The following SMPDL3B variants were observed in gnomAD, a reference collection of about 807,000 sequenced individuals.
The protein encoded by SMPDL3B is acid sphingomyelinase-like phosphodiesterase 3b.
Under a neutral mutation model 37.9 loss-of-function variants are expected in SMPDL3B, and 31 were observed. The observed-to-expected ratio is 0.82, with a 90% CI of 0.61 to 1.10. The LOEUF is 1.10. Ranked by LOEUF, SMPDL3B falls within the 50% of genes least tolerant of loss-of-function variation. The pLI is 0.00. For missense variants in SMPDL3B, 525 were observed against 597.8 expected, an observed-to-expected ratio of 0.88 and a Z score of 1.27; for synonymous variants, 235 against 242.6, an observed-to-expected ratio of 0.97 and a Z score of 0.29.
At chr1:27,954,659 G>A in intron 5 of SMPDL3B, 133 bp downstream of exon 5, 1 of 784,232 alleles carries the variant, frequency 1.3e-6, no homozygotes, top group Non-Finnish European at 2.1e-6. Context: ...GGCACCAGCA[G>A]AGGGCTTCCT....
intron 1 of SMPDL3B, among the ~76,000 whole-genome samples, chr1:27,939,283 G>C (rs1247820591): frequency 6.6e-6 from 1 of 152,128 alleles, no homozygotes; most frequent in Non-Finnish European, 1.5e-5. Context: ...GACTATGGGA[G>C]TTCTCCCCAC....
At chr1:27,942,897 A>G (rs2090373052) in intron 1 of SMPDL3B, among the ~76,000 whole-genome samples, 2 of 152,004 alleles carry the variant, frequency 1.3e-5, no homozygotes, top group East Asian at 3.9e-4. Context: ...CCTGGCCTCA[A>G]GCAATCTTCC....
Position 27,953,268 on chromosome 1 carries a change from T to C in SMPDL3B, c.427T>C (p.Phe143Leu), listed in dbSNP as rs1226389625. 1.2e-6 allele frequency: 2 copies of C among 1,613,696 alleles called. No homozygotes were observed. Among genetic ancestry groups the C allele is most frequent in the South Asian group, 1.1e-5 (1 of 91,060 alleles). Residue 143 changes from phenylalanine to leucine, a missense_variant, in exon 4 of 8, where the codon TTC (phenylalanine) becomes CTC (leucine). Transcript: ENST00000373894. ...GNHDFHPKNQ[F>L]PAGSNNIYNQ... ...TCATGATTTTCACCCCAAAAACCAG[T>C]TCCCAGCTGGAAGTAACAACATCTA...
At chr1:27,947,342 G>T (rs1259716080) in intron 2 of SMPDL3B, among the ~76,000 whole-genome samples, 1 of 151,958 alleles carries the variant, frequency 6.6e-6, no homozygotes, top group African/African-American at 2.4e-5. Context: ...GGCCACAGTT[G>T]CACCTTTTTT....
intron 5 of SMPDL3B, 79 bp downstream of exon 5, chr1:27,954,605 C>A: frequency 1.4e-6 from 2 of 1,413,208 alleles, no homozygotes; most frequent in Non-Finnish European, 2.0e-6. Context: ...AACTCACCCA[C>A]CCACCCAAAG....
At chr1:27,954,653 C>T in intron 5 of SMPDL3B, 127 bp downstream of exon 5, 1 of 830,338 alleles carries the variant, frequency 1.2e-6, no homozygotes, top group South Asian at 1.6e-5. Context: ...CAGCCCGGCA[C>T]CAGCAGAGGG....
intron 3 of SMPDL3B, 71 bp downstream of exon 3, chr1:27,949,233 C>T (rs1571657467): frequency 4.7e-6 from 7 of 1,490,112 alleles, no homozygotes; most frequent in South Asian, 1.1e-5. Flanking sequence ...AGTGGGACAA[C>T]AGCAGCAGCG....
rs1412481211 is a variant in SMPDL3B, at chr1:27,959,082, G to A, written c.*244G>A. The stretch of plus-strand genomic sequence containing the variant: ...AAACAGAAAAGAAATGACGACCCAA[G>A]ACCCCCCTACAAGCATACTTCTTTT... On this transcript the variant is annotated 3_prime_UTR_variant, in exon 8 of 8. Coordinates refer to ENST00000373894, the MANE Select transcript of SMPDL3B (RefSeq NM_014474.4). 1.9e-6 allele frequency: 1 copy of A among 527,526 alleles called. No homozygotes were observed. Among genetic ancestry groups the A allele is most frequent in the Non-Finnish European group, 3.4e-6 (1 of 294,544 alleles). The allele number at this position is 527,526 out of a possible 1,614,324, so 32.7% of individuals were successfully genotyped here.
Position 27,935,215 on chromosome 1 carries a change from C to G in SMPDL3B, c.32C>G (p.Ala11Gly). MRLLAWLIFL[A>G]NWGGARAEPG... ...CTGCTCGCCTGGCTGATTTTCCTGG[C>G]TAACTGGGGAGGTGCCAGGGCTGAA... Residue 11 changes from alanine (A) to glycine (G), a missense_variant, in exon 1 of 8, where the codon GCT becomes GGT. By Grantham distance (60) the Ala-to-Gly change is moderately conservative. Transcript: ENST00000373894. The G allele has an allele frequency of 1.9e-6, 3 of 1,613,908 alleles. No individual in the cohort carries two copies. The highest frequency in any genetic ancestry group is 1.6e-4 in the Middle Eastern group (1 of 6,062).
intron 1 of SMPDL3B, among the ~76,000 whole-genome samples, chr1:27,937,342 G>A (rs1353339123): frequency 1.3e-5 from 2 of 152,204 alleles, no homozygotes; most frequent in Admixed American, 6.5e-5. Flanking sequence ...AACACTCCCT[G>A]GAAGGCCAGC....
chr1:27,956,339 C>CAGGGCAGGGCCAGAGGCAGGGAGA, intron 7 of SMPDL3B: 1 of 1,387,670 alleles, frequency 7.2e-7, no homozygotes, highest in Non-Finnish European at 9.6e-7. Context: ...TCTGGCCCTG[C>CAGGGCAGGGCCAGAGGCAGGGAGA]CCTGCTATGG....
chr1:27,945,483 C>G lies in SMPDL3B; in HGVS notation c.275+38C>G. ...GAGGTGGCAGCTACCCTTTGCCAGG[C>G]ATCTGCTATGTGCTACATACCAGTC... On this transcript the variant is annotated intron_variant, in intron 2 of 7. Transcript: ENST00000373894. This position sits in a 1 kb window ranked among gnomAD's most constrained non-coding sequence, Gnocchi z 4.0. 1 of 1,530,048 alleles carries G rather than the reference C, an allele frequency of 6.5e-7. No homozygotes were observed. Among genetic ancestry groups the G allele is most frequent in the Non-Finnish European group, 9.0e-7 (1 of 1,105,304 alleles). 94.8% of individuals were successfully genotyped at this position (1,530,048 alleles called of 1,614,324 possible).
At chr1:27,942,300 A>G (rs1482839750) in intron 1 of SMPDL3B, 1 of 435,430 alleles carries the variant, frequency 2.3e-6, no homozygotes, top group East Asian at 7.7e-5. Flanking sequence ...CATGTGCCCA[A>G]GAGAAAGGCA....
chr1:27,939,475 C>G (rs745682993), intron 1 of SMPDL3B, among the ~76,000 whole-genome samples: 2 of 152,080 alleles, frequency 1.3e-5, no homozygotes, highest in African/African-American at 2.4e-5. Context: ...CTCAGCCTCC[C>G]AAGTACGGAG....
intron 1 of SMPDL3B, among the ~76,000 whole-genome samples, chr1:27,944,868 C>A (rs2090393149): frequency 6.6e-6 from 1 of 152,082 alleles, no homozygotes; most frequent in Non-Finnish European, 1.5e-5. Context: ...GGTCACACAG[C>A]TCCTAAGTGG....
chr1:27,939,661 G>A (rs72656504), intron 1 of SMPDL3B, among the ~76,000 whole-genome samples: 32,498 of 151,988 alleles, frequency 0.21, 3,847 homozygotes, highest in Non-Finnish European at 0.27. Context: ...CTACAAAAAA[G>A]TACAAGAAAA....
chr1:27,950,962 C>T (rs764127567), intron 3 of SMPDL3B, among the ~76,000 whole-genome samples: 28 of 152,214 alleles, frequency 1.8e-4, no homozygotes, highest in Non-Finnish European at 2.8e-4. Context: ...GGGGTTCTTG[C>T]TGTGTTGCCT....
intron 7 of SMPDL3B, chr1:27,956,412 G>C: frequency 1.6e-6 from 2 of 1,266,966 alleles, no homozygotes; most frequent in African/African-American, 3.0e-5. Flanking sequence ...TCTTGTCTCC[G>C]TCCTGCTCAA....
intron 1 of SMPDL3B, among the ~76,000 whole-genome samples, chr1:27,943,982 C>T (rs1436327497): frequency 6.8e-6 from 1 of 147,588 alleles, no homozygotes; most frequent in Non-Finnish European, 1.5e-5. Context: ...CCATTGCACT[C>T]CAGCTTGGGC....
Sources: gnomAD v4.1 joint callset for allele counts (sites outside exome capture counted in the v4.1 genomes callset) on GRCh38, gnomAD v4.1.1 for gene constraint, Gnocchi (gnomAD v3.1) non-coding constraint, MANE v1.5 for transcripts, NCBI Gene and HGNC (gene_info 2026-07-23, HGNC 2026-07-21) for gene names.